The following BMPR2 variants were observed in gnomAD, a reference collection of about 807,000 sequenced individuals.
BMPR2 encodes bone morphogenetic protein receptor type-2.
In BMPR2, 29 loss-of-function variants were observed where a neutral mutation model predicts 100.8. The observed-to-expected ratio is 0.29, with a 90% CI of 0.21 to 0.39. The LOEUF (loss-of-function observed/expected upper bound fraction) is 0.39. Ranked by LOEUF, BMPR2 falls within the 10% of genes least tolerant of loss-of-function variation. The pLI, the probability that BMPR2 is intolerant of heterozygous loss-of-function variation, is 1.00. For missense variants in BMPR2, 1,011 were observed against 1,274.5 expected (o/e 0.79, Z 3.15); for synonymous variants, 382 against 442.3 (o/e 0.86, Z 1.71).
chr2:202,509,003 ATCTAAC>A lies in BMPR2; in HGVS notation c.419-4710_419-4705del, dbSNP rs2105998313. Among the ~76,000 whole-genome samples the A allele has an allele frequency of 1.3e-5, 2 of 152,356 alleles. 1 individual carries two copies. The highest frequency in any genetic ancestry group is 4.8e-5 in the African/African-American group (2 of 41,588). On this transcript the variant is annotated intron_variant, in intron 3 of 12. Transcript: ENST00000374580. ...CAAATTTGAAAAGATATTCAGAAGA[ATCTAAC>A]TCTAAATATGAAAAAGTTTTAGGAA...
chr2:202,459,196 T>C (rs1188574320), intron 1 of BMPR2, among the ~76,000 whole-genome samples: 1 of 152,186 alleles, frequency 6.6e-6, no homozygotes, highest in Admixed American at 6.5e-5. Flanking sequence ...CTCCTCTTTT[T>C]ACCTACTTTT....
At chr2:202,391,515 C>T (rs887351021) in intron 1 of BMPR2, among the ~76,000 whole-genome samples, 3 of 150,666 alleles carry the variant, frequency 2.0e-5, no homozygotes, top group Non-Finnish European at 4.4e-5. Context: ...TGCTCTTGAA[C>T]TCCTGGGCTC....
chr2:202,553,034 C>A, intron 11 of BMPR2, 146 bp downstream of exon 11: 1 of 1,121,028 alleles, frequency 8.9e-7, no homozygotes, highest in Non-Finnish European at 1.3e-6. Context: ...TTTCAATATT[C>A]CTATTCTTCT....
At position 202,467,588 on chromosome 2, in the gene BMPR2, C is replaced by T. The variant is rs761096267; in HGVS notation, c.317C>T (p.Pro106Leu). 1.3e-6 allele frequency: 2 copies of T among 1,587,304 alleles called. No homozygotes were observed. Among genetic ancestry groups the T allele is most frequent in the Non-Finnish European group, 1.7e-6 (2 of 1,155,830 alleles). The change falls in exon 3 of 13, where the codon CCC (proline) becomes CTC (leucine). Residue 106 changes from proline to leucine, a missense_variant. By Grantham distance (98) the Pro-to-Leu change is moderately conservative (BLOSUM62 -3). This residue lies in a region of BMPR2 where 355 missense variants were observed against 455.3 expected (regional missense o/e 0.78). Transcript: ENST00000374580. ...GAATGTGTAGTAACTACCACTCCTC[C>T]CTCAATTCAGAATGGAACATACCGT... ...YEECVVTTTP[P>L]SIQNGTYRFC...
At chr2:202,534,888 GGCCGGGCGGGGGGCTGACCCCC>G (rs1688103716) in intron 9 of BMPR2, among the ~76,000 whole-genome samples, 2 of 145,998 alleles carry the variant, frequency 1.4e-5, no homozygotes, top group African/African-American at 2.6e-5. Flanking sequence ...CGGGGCGGCT[GGCCGGGCGGGGGGCTGACCCCC>G]CCACCTCCCT....
At chr2:202,392,173 C>T (rs185589146) in intron 1 of BMPR2, among the ~76,000 whole-genome samples, 6 of 151,862 alleles carry the variant, frequency 4.0e-5, no homozygotes, top group East Asian at 1.9e-4. Flanking sequence ...CGGGTTCAAA[C>T]GATTCTCCTG....
At chr2:202,423,406 C>T (rs1026516049) in intron 1 of BMPR2, among the ~76,000 whole-genome samples, 4 of 152,094 alleles carry the variant, frequency 2.6e-5, no homozygotes, top group African/African-American at 4.8e-5. Flanking sequence ...GGCTGTGTCT[C>T]CTTGAAAGGA....
chr2:202,534,769 T>C (rs1359041568), intron 9 of BMPR2, among the ~76,000 whole-genome samples: 2 of 152,080 alleles, frequency 1.3e-5, no homozygotes, highest in Non-Finnish European at 2.9e-5. Context: ...CTCAATGAGC[T>C]GTTGGGCACA....
Position 202,559,748 on chromosome 2 carries a change from A to G in BMPR2, c.2919A>G (p.Lys973=). The part of the protein sequence containing the change: ...GKSGSGEKIK[K]RVKTPYSLKR... The stretch of plus-strand genomic sequence containing the variant: ...CAGGATCAGGTGAAAAGATCAAGAA[A>G]CGTGTGAAAACTCCCTATTCTCTTA... The change falls in exon 13 of 13, where the codon AAA becomes AAG. Residue 973 remains lysine (K), a synonymous_variant. Coordinates refer to ENST00000374580, the MANE Select transcript of BMPR2 (RefSeq NM_001204.7). 1.2e-6 allele frequency: 2 copies of G among 1,614,144 alleles called. No homozygotes were observed. The highest frequency in any genetic ancestry group is 1.7e-6 in the Non-Finnish European group (2 of 1,180,014).
At position 202,565,044 on chromosome 2, in the gene BMPR2, A is replaced by G. The variant is rs1368694159; in HGVS notation, c.*5098A>G. 1 of 152,060 alleles carries G rather than the reference A, an allele frequency of 6.6e-6. No homozygotes were observed. The highest frequency in any genetic ancestry group is 1.5e-5 in the Non-Finnish European group (1 of 68,040). The allele number at this position is 152,060 out of a possible 1,614,324, so 9.4% of individuals were successfully genotyped here. The stretch of plus-strand genomic sequence containing the variant: ...AGCCTGGGCTACAGAGTGAGACTCC[A>G]TCTCAAAAAAAAACAAAAAAAATCA... On this transcript the variant is annotated 3_prime_UTR_variant, in exon 13 of 13. Transcript: ENST00000374580.
At chr2:202,450,458 G>T (rs1238330407) in intron 1 of BMPR2, among the ~76,000 whole-genome samples, 1 of 152,108 alleles carries the variant, frequency 6.6e-6, no homozygotes, top group African/African-American at 2.4e-5. Context: ...TTGGGAGGCC[G>T]AGGCAGGTGG....
At chr2:202,518,467 C>G (rs2106006398) in intron 5 of BMPR2, among the ~76,000 whole-genome samples, 1 of 152,200 alleles carries the variant, frequency 6.6e-6, no homozygotes, top group South Asian at 2.1e-4. Flanking sequence ...AATTTTAGTT[C>G]CACTGCACAG....
intron 3 of BMPR2, among the ~76,000 whole-genome samples, chr2:202,482,375 T>A (rs1157905885): frequency 1.3e-5 from 2 of 152,162 alleles, no homozygotes; most frequent in Non-Finnish European, 2.9e-5. Context: ...AAAAATGCTA[T>A]TTTTAATTTT....
rs1432196211 is a variant in BMPR2, at chr2:202,567,361, T to G, written c.*7415T>G. 6.6e-6 allele frequency: 1 copy of G among 152,642 alleles called. No homozygotes were observed. The highest frequency in any genetic ancestry group is 1.5e-5 in the Non-Finnish European group (1 of 68,032). The allele number at this position is 152,642 out of a possible 1,614,324, so 9.5% of individuals were successfully genotyped here. A position where few individuals can be genotyped will look rare whatever the true frequency, so the allele number is the denominator to read the frequency against. On this transcript the variant is annotated 3_prime_UTR_variant, in exon 13 of 13. Transcript: ENST00000374580. ...CTCTTTCTTGTTAACGGGTATCTTT[T>G]GTTGGTGTGTTTTGCTCTTACATTA... is the stretch of plus-strand genomic sequence containing the variant.
chr2:202,385,819 T>A (rs1197054766), intron 1 of BMPR2, among the ~76,000 whole-genome samples: 1 of 152,176 alleles, frequency 6.6e-6, no homozygotes, highest in Non-Finnish European at 1.5e-5. Flanking sequence ...TTGAGTGTAT[T>A]TGTTATTTAC....
rs149067277 is a variant in BMPR2 at position 202,555,805 on chromosome 2, G to T, written c.2140G>T (p.Ala714Ser). Residue 714 changes from alanine (A) to serine (S), a missense_variant, in exon 12 of 13, where the codon GCA becomes TCA. By Grantham distance (99) the Ala-to-Ser change is moderately conservative. Transcript: ENST00000374580. ...CTTGCTTTACCCACTCATAAAACTT[G>T]CAGTAGAAGCAACTGGACAGCAGGA... The part of the protein sequence containing the change: ...SSLLYPLIKL[A>S]VEATGQQDFT... The T allele has an allele frequency of 5.6e-5, 90 of 1,614,098 alleles. No individual in the cohort carries two copies. The African/African-American group carries it at 8.0e-4, about 14-fold the overall frequency.
At chr2:202,400,336 G>C (rs915498131) in intron 1 of BMPR2, among the ~76,000 whole-genome samples, 8 of 142,962 alleles carry the variant, frequency 5.6e-5, no homozygotes, top group African/African-American at 7.8e-5. Context: ...TTTTGGTAGA[G>C]ACAACGTCTC....
At position 202,377,292 on chromosome 2, in the gene BMPR2, T is replaced by TTCTGCAGCGGCATGAAAGC; in HGVS notation, c.-174_-156dup. ...CGCGAGGGAGAGAAATGAAGGGAAT[T>TTCTGCAGCGGCATGAAAGC]TCTGCAGCGGCATGAAAGCTCTGCA... On this transcript the variant is annotated 5_prime_UTR_variant, in exon 1 of 13. It adds an upstream start codon to the 5' untranslated region. Coordinates refer to ENST00000374580, the MANE Select transcript of BMPR2 (RefSeq NM_001204.7). 1.5e-6 allele frequency: 1 copy of TTCTGCAGCGGCATGAAAGC among 671,222 alleles called. No homozygotes were observed. The highest frequency in any genetic ancestry group is 2.7e-6 in the Non-Finnish European group (1 of 368,774). The allele number at this position is 671,222 out of a possible 1,614,324, so 41.6% of individuals were successfully genotyped here. A position where few individuals can be genotyped will look rare whatever the true frequency, so the allele number is the denominator to read the frequency against.
chr2:202,534,217 GTGTGTA>G (rs1249353912), intron 9 of BMPR2, among the ~76,000 whole-genome samples: 91 of 146,792 alleles, frequency 6.2e-4, no homozygotes, highest in South Asian at 6.4e-4. Flanking sequence ...TATCGTGTGT[GTGTGTA>G]TATATATATA....
Sources: gnomAD v4.1 joint callset for allele counts (sites outside exome capture counted in the v4.1 genomes callset) on GRCh38, gnomAD v4.1.1 for gene constraint, gnomAD v4.1.1 regional missense constraint, MANE v1.5 for transcripts, NCBI Gene and HGNC (gene_info 2026-07-23, HGNC 2026-07-21) for gene names.